NKPD1: variants seen among roughly 807,000 people sequenced by gnomAD.
The protein encoded by NKPD1 is NTPase KAP family P-loop domain containing 1.
In NKPD1, 37 loss-of-function variants were observed where a neutral mutation model predicts 42.2. The observed-to-expected ratio is 0.88, with a 90% CI of 0.67 to 1.15. The LOEUF (loss-of-function observed/expected upper bound fraction) is 1.15. NKPD1 is among the 50% of genes most tolerant of loss of function. The pLI is 0.00. For synonymous variants in NKPD1, 552 were observed against 536.5 expected, an observed-to-expected ratio of 1.03 and a Z score of -0.40; for missense variants, 1,113 against 1,174.6, an observed-to-expected ratio of 0.95 and a Z score of 0.77.
Position 45,153,212 on chromosome 19 carries a change from T to G in NKPD1, c.1225A>C (p.Lys409Gln), listed in dbSNP as rs928470080. 15 of 1,595,482 alleles carry G rather than the reference T, an allele frequency of 9.4e-6. No homozygotes were observed. Among genetic ancestry groups the G allele is most frequent in the African/African-American group, 1.3e-5 (1 of 74,580 alleles). Residue 409 changes from lysine (K) to glutamine (Q), a missense_variant, in exon 5 of 5, where the codon AAG (lysine) becomes CAG (glutamine). Transcript: ENST00000686631. ...VGKHLFVSQRKKIERLVSREK... is the reference protein window; with the variant it reads ...VGKHLFVSQRQKIERLVSREK... ...CGCGACACCAGCCGCTCGATCTTCT[T>G]GCGCTGGCTTACGAACAGGTGCTTG...
rs755756499 is a variant in NKPD1 at position 45,152,237 on chromosome 19, C to T, written c.2200G>A (p.Ala734Thr). The change falls in exon 5 of 5, where the codon GCC becomes ACC. Residue 734 changes from alanine to threonine, a missense_variant. By Grantham distance (58) the Ala-to-Thr change is moderately conservative. Transcript: ENST00000686631. ...FLGADFPFTV[A>T]EAQSLLRCTV... The stretch of plus-strand genomic sequence containing the variant: ...CAGCGCAGCAGGCTCTGCGCCTCGG[C>T]CACGGTGAAGGGGAAGTCGGCGCCC... 1.2e-6 allele frequency: 2 copies of T among 1,606,264 alleles called. No homozygotes were observed. Among genetic ancestry groups the T allele is most frequent in the Non-Finnish European group, 1.7e-6 (2 of 1,177,312 alleles).
chr19:45,152,238 C>T lies in NKPD1; in HGVS notation c.2199G>A (p.Val733=). The part of the protein sequence containing the change: ...RFLGADFPFT[V]AEAQSLLRCT... Reference sequence around the variant, plus strand: ...AGCGCAGCAGGCTCTGCGCCTCGGCCACGGTGAAGGGGAAGTCGGCGCCCA... The same window carrying T: ...AGCGCAGCAGGCTCTGCGCCTCGGCTACGGTGAAGGGGAAGTCGGCGCCCA... Residue 733 remains valine (V), a synonymous_variant, in exon 5 of 5, where the codon GTG becomes GTA. Transcript: ENST00000686631. 1 of 1,606,994 alleles carries T rather than the reference C, an allele frequency of 6.2e-7. No individual in the cohort carries two copies. Among genetic ancestry groups the T allele is most frequent in the Non-Finnish European group, 8.5e-7 (1 of 1,177,594 alleles).
Position 45,155,778 on chromosome 19 carries a change from T to A in NKPD1, c.661+7A>T, listed in dbSNP as rs1475017958. 7.7e-7 allele frequency: 1 copy of A among 1,298,892 alleles called. No homozygotes were observed. The highest frequency in any genetic ancestry group is 2.3e-5 in the Admixed American group (1 of 43,412). 80.5% of individuals were successfully genotyped at this position (1,298,892 alleles called of 1,614,324 possible). ...CCTCCCCCCAACAAACACACACAGC[T>A]CCTCACCCGTGATCTTGTCCAGCAT... On this transcript the variant is annotated splice_region_variant and intron_variant, in intron 4 of 4. Transcript: ENST00000686631.
At chr19:45,159,730 G>A (rs556064283) in intron 2 of NKPD1, among the ~76,000 whole-genome samples, 406 of 152,222 alleles carry the variant, frequency 2.7e-3, no homozygotes, top group African/African-American at 9.6e-3. Flanking sequence ...CATGTTCAGT[G>A]GGGGGGCTCC....
Position 45,150,427 on chromosome 19 carries a change from G to A in NKPD1, c.*1511C>T, listed in dbSNP as rs1203064865. 5 of 152,314 alleles carry A rather than the reference G, an allele frequency of 3.3e-5. No homozygotes were observed. Among genetic ancestry groups the A allele is most frequent in the African/African-American group, 1.2e-4 (5 of 41,558 alleles). 9.4% of individuals were successfully genotyped at this position (152,314 alleles called of 1,614,324 possible). Reference sequence around the variant, plus strand: ...TAACAGGAGTGAAAATTTATTTTCAGCTTGGATTCCAGGTGGTAAGAAACA... The same window carrying A: ...TAACAGGAGTGAAAATTTATTTTCAACTTGGATTCCAGGTGGTAAGAAACA... On this transcript the variant is annotated 3_prime_UTR_variant, in exon 5 of 5. Transcript: ENST00000686631.
At chr19:45,155,945 C>CA (rs1374735335) in intron 3 of NKPD1, 29 bp from the exon 4 acceptor site, 3 of 1,297,356 alleles carry the variant, frequency 2.3e-6, no homozygotes, top group Admixed American at 4.6e-5. Flanking sequence ...GACACTGAGT[C>CA]AGGACCACTG....
rs1010437850 is a variant in NKPD1, at chr19:45,150,437, C to T, written c.*1501G>A. ...GAAAATTTATTTTCAGCTTGGATTC[C>T]AGGTGGTAAGAAACAAACCCAACTG... is the stretch of plus-strand genomic sequence containing the variant. On this transcript the variant is annotated 3_prime_UTR_variant, in exon 5 of 5. Transcript: ENST00000686631. The T allele has an allele frequency of 1.3e-5, 2 of 152,146 alleles. No individual in the cohort carries two copies. Among genetic ancestry groups the T allele is most frequent in the African/African-American group, 4.8e-5 (2 of 41,396 alleles). 9.4% of individuals were successfully genotyped at this position (152,146 alleles called of 1,614,324 possible).
chr19:45,160,773 C>T (rs917997401), intron 1 of NKPD1, among the ~76,000 whole-genome samples, 152 bp downstream of exon 1: 1 of 151,910 alleles, frequency 6.6e-6, no homozygotes, highest in Admixed American at 6.6e-5. Flanking sequence ...GGGTGTACCG[C>T]GTTTCCAATG....
Position 45,153,297 on chromosome 19 carries a change from A to G in NKPD1, c.1140T>C (p.Phe380=), listed in dbSNP as rs764137154. 6.3e-7 allele frequency: 1 copy of G among 1,588,412 alleles called. No homozygotes were observed. The highest frequency in any genetic ancestry group is 1.1e-5 in the South Asian group (1 of 87,760). ...CCGACAGTGTGGTGGCCGCGCCGCC[A>G]AACACCTTGAGCAGGCTGCCGCTCG... The part of the protein sequence containing the change: ...GSPSGSLLKV[F]GGAATTLSGS... Residue 380 remains phenylalanine, a synonymous_variant, in exon 5 of 5, where the codon TTT becomes TTC. Transcript: ENST00000686631.
rs1968757097 is a variant in NKPD1 at position 45,150,452 on chromosome 19, A to G, written c.*1486T>C. On this transcript the variant is annotated 3_prime_UTR_variant, in exon 5 of 5. Transcript: ENST00000686631. ...GCTTGGATTCCAGGTGGTAAGAAAC[A>G]AACCCAACTGAAACTGGCTTAAGGG... is the stretch of plus-strand genomic sequence containing the variant. 1 of 152,182 alleles carries G rather than the reference A, an allele frequency of 6.6e-6. No homozygotes were observed. The highest frequency in any genetic ancestry group is 1.5e-5 in the Non-Finnish European group (1 of 68,042). 9.4% of individuals were successfully genotyped at this position (152,182 alleles called of 1,614,324 possible). A position where few individuals can be genotyped will look rare whatever the true frequency, so the allele number is the denominator to read the frequency against.
At chr19:45,159,836 G>A (rs995726423) in intron 2 of NKPD1, among the ~76,000 whole-genome samples, 1 of 152,206 alleles carries the variant, frequency 6.6e-6, no homozygotes, top group East Asian at 1.9e-4. Context: ...GGCAGGCCAG[G>A]CGGCCCCTGC....
chr19:45,159,279 G>C (rs796444739), intron 2 of NKPD1, among the ~76,000 whole-genome samples, 179 bp from the exon 3 acceptor site: 11 of 152,272 alleles, frequency 7.2e-5, no homozygotes, highest in African/African-American at 2.4e-4. Flanking sequence ...GGGACCCAGG[G>C]TCTGTGCTGT....
At chr19:45,159,487 C>T (rs140672737) in intron 2 of NKPD1, among the ~76,000 whole-genome samples, 13 of 151,808 alleles carry the variant, frequency 8.6e-5, no homozygotes, top group Non-Finnish European at 1.5e-4. Flanking sequence ...CCAGGGAGGC[C>T]GGAGTGATGG....
chr19:45,152,922 C>T lies in NKPD1; in HGVS notation c.1515G>A (p.Ala505=), dbSNP rs373264663. The T allele has an allele frequency of 4.4e-6, 7 of 1,580,220 alleles. No homozygotes were observed. Among genetic ancestry groups the T allele is most frequent in the African/African-American group, 1.3e-5 (1 of 74,170 alleles). ...PSILAACLES[A]GNMKGTADNG... Reference sequence around the variant, plus strand: ...TATCGGCCGTGCCCTTCATGTTGCCCGCGCTCTCTAGGCACGCGGCCAGGA... The same window carrying T: ...TATCGGCCGTGCCCTTCATGTTGCCTGCGCTCTCTAGGCACGCGGCCAGGA... Residue 505 remains alanine, a synonymous_variant, in exon 5 of 5, where the codon GCG becomes GCA. Coordinates refer to ENST00000686631, the MANE Select transcript of NKPD1 (RefSeq NM_198478.4).
chr19:45,153,951 G>A, intron 4 of NKPD1, 176 bp from the exon 5 acceptor site: 1 of 593,928 alleles, frequency 1.7e-6, no homozygotes. Context: ...AGAAGCGGGG[G>A]CGTGGAGAGG....
intron 2 of NKPD1, 116 bp downstream of exon 2, chr19:45,159,944 G>GAGTGCA: frequency 2.2e-6 from 1 of 455,440 alleles, no homozygotes; most frequent in East Asian, 8.1e-5. Flanking sequence ...CCTCTGGGTG[G>GAGTGCA]AGTGCAAGTG....
Position 45,158,533 on chromosome 19 carries a change from C to T in NKPD1, c.529+130G>A. The T allele has an allele frequency of 9.5e-7, 1 of 1,047,920 alleles. No individual in the cohort carries two copies. Among genetic ancestry groups the T allele is most frequent in the African/African-American group, 1.7e-5 (1 of 57,574 alleles). The allele number at this position is 1,047,920 out of a possible 1,614,324, so 64.9% of individuals were successfully genotyped here. A position where few individuals can be genotyped will look rare whatever the true frequency, so the allele number is the denominator to read the frequency against. ...GAGCCCCATGGCCAGGGACGCACCCCTCCTAGATAGGGAACAGGGTGTGGA... is the reference window on the plus strand; with the variant it reads ...GAGCCCCATGGCCAGGGACGCACCCTTCCTAGATAGGGAACAGGGTGTGGA... On this transcript the variant is annotated intron_variant, in intron 3 of 4. Transcript: ENST00000686631. This position sits in a 1 kb window ranked among gnomAD's most constrained non-coding sequence, Gnocchi z 4.6.
chr19:45,152,991 G>A lies in NKPD1; in HGVS notation c.1446C>T (p.Asp482=). 1 of 1,585,826 alleles carries A rather than the reference G, an allele frequency of 6.3e-7. No individual in the cohort carries two copies. The highest frequency in any genetic ancestry group is 8.6e-7 in the Non-Finnish European group (1 of 1,165,350). ...VLNAINTLLS[D]SHAPFIFILV... ...GGATGAAGATGAAGGGCGCGTGGCT[G>A]TCGGACAGCAGCGTGTTGATGGCGT... The change falls in exon 5 of 5, where the codon GAC becomes GAT. Residue 482 remains aspartate, a synonymous_variant. Coordinates refer to ENST00000686631, the MANE Select transcript of NKPD1 (RefSeq NM_198478.4).
intron 3 of NKPD1, among the ~76,000 whole-genome samples, chr19:45,156,620 CTCCAGTGG>C (rs1968907826): frequency 6.6e-6 from 1 of 152,232 alleles, no homozygotes; most frequent in Non-Finnish European, 1.5e-5. Context: ...ATGTCATGGT[CTCCAGTGG>C]CCATTTAGGG....
Sources: gnomAD v4.1 joint callset for allele counts (sites outside exome capture counted in the v4.1 genomes callset) on GRCh38, gnomAD v4.1.1 for gene constraint, Gnocchi (gnomAD v3.1) non-coding constraint, MANE v1.5 for transcripts, NCBI Gene and HGNC (gene_info 2026-07-23, HGNC 2026-07-21) for gene names.